SUPT3H: variants seen among roughly 807,000 people sequenced by gnomAD.
SUPT3H encodes SPT3 homolog, SAGA and STAGA complex component.
SUPT3H carries 44 observed loss-of-function variants against 44.3 expected under a neutral mutation model. The ratio of observed to expected loss-of-function variants is 0.99; its 90% confidence interval spans 0.78 to 1.28. The LOEUF (loss-of-function observed/expected upper bound fraction) is 1.28. Among genes scored for constraint, SUPT3H ranks in the 50% most tolerant of loss-of-function variants. SUPT3H has a pLI of 0.00. For missense variants in SUPT3H, 380 were observed against 387.1 expected, an observed-to-expected ratio of 0.98 and a Z score of 0.15; for synonymous variants, 124 against 125.6, an observed-to-expected ratio of 0.99 and a Z score of 0.09.
At chr6:45,238,009 C>T (rs899084067) in intron 2 of SUPT3H, among the ~76,000 whole-genome samples, 5 of 152,160 alleles carry the variant, frequency 3.3e-5, no homozygotes, top group Admixed American at 1.3e-4. Context: ...TTTGCACTTA[C>T]AATTCCTGCA....
intron 10 of SUPT3H, among the ~76,000 whole-genome samples, chr6:44,892,399 G>A (rs771778701): frequency 1.3e-5 from 2 of 152,118 alleles, no homozygotes; most frequent in African/African-American, 2.4e-5. Flanking sequence ...GCTAGGAAGA[G>A]GGTCCGTACC....
intron 3 of SUPT3H, among the ~76,000 whole-genome samples, chr6:45,084,637 C>T (rs1304084984): frequency 6.6e-6 from 1 of 152,138 alleles, no homozygotes. Flanking sequence ...GAAAATAGAT[C>T]ATTCTACCAA....
In SUPT3H at chr6:45,232,528, G is replaced by A. The variant is rs116520604; in HGVS notation, c.102-126522C>T. ...TTACTGGGACCAGGCAGGCCAATTC[G>A]TGGGCACCCAGGTGGCCTGCTCAAA... On this transcript the variant is annotated intron_variant, in intron 2 of 10. Transcript: ENST00000371459. Among the ~76,000 whole-genome samples the A allele has an allele frequency of 7.6e-3, 1,150 of 152,254 alleles. 21 individuals are homozygous for A. The highest frequency in any genetic ancestry group is 0.026 in the African/African-American group (1,087 of 41,540).
chr6:44,812,721 G>A (rs1581795163), intron 11 of SUPT3H, among the ~76,000 whole-genome samples: 1 of 152,056 alleles, frequency 6.6e-6, no homozygotes, highest in East Asian at 1.9e-4. Flanking sequence ...TTTTTCTCAC[G>A]AAATTTGCCA....
chr6:45,006,811 C>A (rs568349633), intron 5 of SUPT3H, among the ~76,000 whole-genome samples: 2 of 152,114 alleles, frequency 1.3e-5, no homozygotes, highest in African/African-American at 4.8e-5. Context: ...AGAATTTCAC[C>A]AGTATTTTAA....
At chr6:45,028,993 T>C (rs1261703370) in intron 3 of SUPT3H, among the ~76,000 whole-genome samples, 1 of 150,886 alleles carries the variant, frequency 6.6e-6, no homozygotes, top group African/African-American at 2.4e-5. Context: ...CTAAGGATTG[T>C]GAGCTAAGTA....
At chr6:44,824,487 C>CCAT (rs1357734645), downstream of SUPT3H, among the ~76,000 whole-genome samples, 10 of 151,868 alleles carry the variant, frequency 6.6e-5, no homozygotes, top group East Asian at 1.7e-3. Context: ...TAGGGAGACC[C>CCAT]CATCTTAAAA....
At position 45,097,056 on chromosome 6, in the gene SUPT3H, T is replaced by C. The variant is rs116813280; in HGVS notation, c.186+8866A>G. Among the ~76,000 whole-genome samples the C allele has an allele frequency of 7.1e-3, 1,081 of 152,306 alleles. 20 individuals carry two copies. Among genetic ancestry groups the C allele is most frequent in the African/African-American group, 0.025 (1,027 of 41,570 alleles). ...ATCAGTCTTGTGGAACTTGTTATCC[T>C]ATACATAGTGAAATGATGAAAAGAT... On this transcript the variant is annotated intron_variant, in intron 3 of 10. Coordinates refer to ENST00000371459, the MANE Select transcript of SUPT3H (RefSeq NM_003599.4).
Position 45,158,291 on chromosome 6 carries a change from TATATA to T in SUPT3H, c.102-52290_102-52286del, listed in dbSNP as rs1189479471. Among the ~76,000 whole-genome samples the T allele has an allele frequency of 2.3e-3, 169 of 73,538 alleles. 12 individuals carry two copies. Among genetic ancestry groups the T allele is most frequent in the East Asian group, 0.012 (41 of 3,422 alleles). 48.2% of individuals were successfully genotyped at this position (73,538 alleles called of 152,430 possible). On this transcript the variant is annotated intron_variant, in intron 2 of 10. Transcript: ENST00000371459. ...ATAAATATACATATATATATATATA[TATATA>T]TATTTTTTTTTTTTTTTTTTTGAGA... is the stretch of plus-strand genomic sequence containing the variant.
intron 3 of SUPT3H, among the ~76,000 whole-genome samples, chr6:45,103,508 T>C (rs1047549979): frequency 1.3e-5 from 2 of 151,400 alleles, no homozygotes; most frequent in South Asian, 4.2e-4. Context: ...CAATAGAAAA[T>C]ACTATGGGCT....
intron 2 of SUPT3H, among the ~76,000 whole-genome samples, chr6:45,338,704 C>T (rs1789136703): frequency 1.3e-5 from 2 of 152,024 alleles, no homozygotes; most frequent in Admixed American, 6.6e-5. Flanking sequence ...TATACTATTT[C>T]GTTTTGTCAT....
At chr6:44,985,078 C>T (rs528742395) in intron 6 of SUPT3H, among the ~76,000 whole-genome samples, 1 of 151,748 alleles carries the variant, frequency 6.6e-6, no homozygotes, top group African/African-American at 2.4e-5. Flanking sequence ...GCAGCTCATG[C>T]CTGTAATCCT....
In SUPT3H at chr6:44,828,690, T is replaced by TGAG. The variant is rs1182901607; in HGVS notation, c.*1123_*1125dup. The stretch of plus-strand genomic sequence containing the variant: ...CAGTATCAAGAGAGGCTTGCTCTCT[T>TGAG]GAGCAGTATCAAGAAAAAGGAGCAG... On this transcript the variant is annotated 3_prime_UTR_variant, in exon 11 of 11. Transcript: ENST00000371459. 6.6e-6 allele frequency: 1 copy of TGAG among 152,160 alleles called. No homozygotes were observed. The highest frequency in any genetic ancestry group is 6.5e-5 in the Admixed American group (1 of 15,270). The allele number at this position is 152,160 out of a possible 1,614,324, so 9.4% of individuals were successfully genotyped here. A position where few individuals can be genotyped will look rare whatever the true frequency, so the allele number is the denominator to read the frequency against.
chr6:45,251,457 AAAGT>A (rs927932424), intron 2 of SUPT3H, among the ~76,000 whole-genome samples: 2 of 151,992 alleles, frequency 1.3e-5, no homozygotes, highest in Non-Finnish European at 2.9e-5. Context: ...GCAGAAAGCC[AAAGT>A]AAGACTGAAA....
At chr6:45,330,998 A>C (rs1331721036) in intron 2 of SUPT3H, among the ~76,000 whole-genome samples, 4 of 152,036 alleles carry the variant, frequency 2.6e-5, no homozygotes, top group Non-Finnish European at 4.4e-5. Flanking sequence ...AAATGTCTTA[A>C]GTATGTGCCC....
chr6:44,945,138 T>C (rs143939171), intron 9 of SUPT3H, among the ~76,000 whole-genome samples: 231 of 152,306 alleles, frequency 1.5e-3, no homozygotes, highest in Non-Finnish European at 2.5e-3. Flanking sequence ...AGTGTTACTA[T>C]TGTAATTGTC....
At chr6:45,332,442 A>G (rs911621870) in intron 2 of SUPT3H, among the ~76,000 whole-genome samples, 1 of 151,840 alleles carries the variant, frequency 6.6e-6, no homozygotes, top group African/African-American at 2.4e-5. Context: ...ATGATTAATG[A>G]TGCACCCGTG....
At chr6:45,033,486 A>G (rs186815095) in intron 3 of SUPT3H, among the ~76,000 whole-genome samples, 2 of 152,298 alleles carry the variant, frequency 1.3e-5, no homozygotes, top group Admixed American at 6.5e-5. Context: ...AGAAGAAAAC[A>G]AATGAAAACA....
chr6:45,114,009 GAAAT>G (rs900167264), intron 2 of SUPT3H, among the ~76,000 whole-genome samples: 1 of 151,250 alleles, frequency 6.6e-6, no homozygotes, highest in African/African-American at 2.4e-5. Context: ...AAAACACCAT[GAAAT>G]AAATATAAAT....
Sources: gnomAD v4.1 joint callset for allele counts (sites outside exome capture counted in the v4.1 genomes callset) on GRCh38, gnomAD v4.1.1 for gene constraint, MANE v1.5 for transcripts, NCBI Gene and HGNC (gene_info 2026-07-23, HGNC 2026-07-21) for gene names.